THSD4: variants seen among roughly 807,000 people sequenced by gnomAD.
THSD4 encodes thrombospondin type 1 domain containing 4, also known as thrombospondin type-1 domain-containing protein 4.
THSD4 carries 69 observed loss-of-function variants against 119.0 expected under a neutral mutation model. The observed-to-expected ratio is 0.58, with a 90% confidence interval of 0.48 to 0.71. THSD4 has a LOEUF of 0.71. Among genes scored for constraint, THSD4 ranks in the 30% least tolerant of loss-of-function variants. THSD4 has a pLI of 0.00. For missense variants in THSD4, 1,393 were observed against 1,391.1 expected, an observed-to-expected ratio of 1.00 and a Z score of -0.02; for synonymous variants, 524 against 540.4, an observed-to-expected ratio of 0.97 and a Z score of 0.42.
At chr15:71,610,563 G>T (rs1420668494) in intron 7 of THSD4, among the ~76,000 whole-genome samples, 1 of 152,176 alleles carries the variant, frequency 6.6e-6, no homozygotes, top group South Asian at 2.1e-4. Context: ...ACAGGGACAG[G>T]TTCTACTTAG....
Position 71,136,666 on chromosome 15 carries a change from G to A in THSD4, c.-79-4783G>A, listed in dbSNP as rs114082857. 2.5e-3 allele frequency among the ~76,000 whole-genome samples: 371 copies of A among 151,254 alleles called. 4 individuals are homozygous for A. Among genetic ancestry groups the A allele is most frequent in the African/African-American group, 8.8e-3 (365 of 41,378 alleles). On this transcript the variant is annotated intron_variant, in intron 1 of 17. Coordinates refer to ENST00000261862, the MANE Select transcript of THSD4 (RefSeq NM_024817.3). ...GAGTTCCAGAGGACAGCGTGTGTAG[G>A]AGGGAGGGAGGGAGGGAGGTGGAAC...
chr15:71,622,416 A>G (rs2050434112), intron 7 of THSD4, among the ~76,000 whole-genome samples: 1 of 152,214 alleles, frequency 6.6e-6, no homozygotes, highest in Admixed American at 6.5e-5. Context: ...TGTCCCAAAT[A>G]TTACTCATAA....
At chr15:71,368,594 T>C (rs2046000107) in intron 6 of THSD4, among the ~76,000 whole-genome samples, 1 of 152,212 alleles carries the variant, frequency 6.6e-6, no homozygotes, top group Non-Finnish European at 1.5e-5. Context: ...CAGATGGTTG[T>C]AGGTGTGTGG....
chr15:71,561,311 G>T (rs189791883), intron 7 of THSD4, among the ~76,000 whole-genome samples: 3 of 152,138 alleles, frequency 2.0e-5, no homozygotes, highest in Non-Finnish European at 4.4e-5. Context: ...TGTCAATATC[G>T]TAGAGTTTTA....
intron 8 of THSD4, among the ~76,000 whole-genome samples, chr15:71,716,117 G>C (rs2052602380): frequency 6.6e-6 from 1 of 152,168 alleles, no homozygotes; most frequent in Non-Finnish European, 1.5e-5. Context: ...TCAGCTTCCA[G>C]TGCTTGCTGG....
At chr15:71,506,909 T>C (rs2048198631) in intron 7 of THSD4, among the ~76,000 whole-genome samples, 1 of 152,330 alleles carries the variant, frequency 6.6e-6, no homozygotes, top group South Asian at 2.1e-4. Flanking sequence ...CAGTGTGCCA[T>C]GCAAGTTAGT....
chr15:71,582,788 A>G (rs1786239842), intron 7 of THSD4, among the ~76,000 whole-genome samples: 1 of 152,080 alleles, frequency 6.6e-6, no homozygotes, highest in Admixed American at 6.5e-5. Context: ...TCACGTCTTG[A>G]TTTGCACATG....
intron 16 of THSD4, among the ~76,000 whole-genome samples, chr15:71,765,788 CTCTGTGTG>C (rs939873017): frequency 2.4e-5 from 3 of 123,270 alleles, no homozygotes; most frequent in African/African-American, 8.7e-5. Flanking sequence ...CGCACACACT[CTCTGTGTG>C]TGTGTGTGTG....
At chr15:71,125,132 G>A (rs929959694) in intron 1 of THSD4, among the ~76,000 whole-genome samples, 13 of 151,632 alleles carry the variant, frequency 8.6e-5, no homozygotes, top group African/African-American at 3.2e-4. Context: ...GAGAAAGGAA[G>A]GCAAGGAAAG....
At chr15:71,696,533 C>T (rs2052168799) in intron 8 of THSD4, among the ~76,000 whole-genome samples, 1 of 152,146 alleles carries the variant, frequency 6.6e-6, no homozygotes, top group Non-Finnish European at 1.5e-5. Context: ...CATATTGAAA[C>T]TATAGCATAG....
At chr15:71,547,684 C>A in intron 7 of THSD4, 1 of 602,560 alleles carries the variant, frequency 1.7e-6, no homozygotes. Context: ...TCTAAAATGT[C>A]ATTTTGAAGC....
intron 7 of THSD4, among the ~76,000 whole-genome samples, chr15:71,513,662 CCCAG>C (rs1199606317): frequency 3.9e-5 from 6 of 152,122 alleles, no homozygotes; most frequent in Non-Finnish European, 7.3e-5. Flanking sequence ...GGACAACTGA[CCCAG>C]CAATGAAATT....
intron 6 of THSD4, among the ~76,000 whole-genome samples, chr15:71,320,663 C>G (rs1270626831): frequency 1.3e-5 from 2 of 152,216 alleles, no homozygotes; most frequent in Non-Finnish European, 2.9e-5. Flanking sequence ...CCATACCTTT[C>G]CTCACAAAAG....
intron 6 of THSD4, among the ~76,000 whole-genome samples, chr15:71,409,155 T>TCCCC (rs5813630): frequency 1.6e-3 from 239 of 145,076 alleles, no homozygotes; most frequent in Non-Finnish European, 3.0e-3. Context: ...CTTTTTTTTT[T>TCCCC]CCCCCCCCCT....
At chr15:71,362,887 G>A (rs1454294952) in intron 6 of THSD4, among the ~76,000 whole-genome samples, 1 of 151,750 alleles carries the variant, frequency 6.6e-6, no homozygotes, top group African/African-American at 2.4e-5. Flanking sequence ...TAAAGCAGGG[G>A]TGTCTAATCT....
intron 8 of THSD4, among the ~76,000 whole-genome samples, chr15:71,708,820 G>T (rs1020191150): frequency 2.6e-5 from 4 of 152,140 alleles, no homozygotes; most frequent in Non-Finnish European, 1.5e-5. Context: ...TTAAAGTGAG[G>T]GGCAAATAGC....
chr15:71,536,023 C>T (rs1208866756), intron 7 of THSD4, among the ~76,000 whole-genome samples: 1 of 152,192 alleles, frequency 6.6e-6, no homozygotes, highest in African/African-American at 2.4e-5. Context: ...CATGAAGTTG[C>T]TCCTGTGTTT....
At chr15:71,112,289 A>G (rs1325670635), upstream of THSD4, 3 of 1,499,188 alleles carry the variant, frequency 2.0e-6, no homozygotes, top group African/African-American at 1.4e-5. Context: ...TCATTTATCA[A>G]CTTAACTAGG....
chr15:71,724,584 CT>C (rs55666755), intron 8 of THSD4, among the ~76,000 whole-genome samples: 135,799 of 151,876 alleles, frequency 0.89, 62,449 homozygotes, highest in Non-Finnish European at 1. Flanking sequence ...TACGCCCAGT[CT>C]TTTTTGCCTA....
Sources: allele counts gnomAD v4.1 joint callset (sites outside exome capture counted in the v4.1 genomes callset), GRCh38; gene constraint gnomAD v4.1.1; transcripts MANE v1.5; gene names NCBI Gene and HGNC (gene_info 2026-07-23, HGNC 2026-07-21).